SLC35A1: variants seen among roughly 807,000 people sequenced by gnomAD.
SLC35A1 encodes solute carrier family 35 member A1.
SLC35A1 carries 21 observed loss-of-function variants against 40.3 expected under a neutral mutation model. That is an observed-to-expected ratio of 0.52 (90% CI 0.37 to 0.75). The LOEUF (loss-of-function observed/expected upper bound fraction) is 0.75, where lower values mean the gene tolerates loss of function less well. Among genes scored for constraint, SLC35A1 ranks in the 30% least tolerant of loss-of-function variants. The pLI is 0.00. For missense variants in SLC35A1, 297 were observed against 382.1 expected (o/e 0.78, Z 1.86); for synonymous variants, 146 against 147.3 (o/e 0.99, Z 0.06).
chr6:87,500,198 AT>A (rs1346199938), intron 2 of SLC35A1, among the ~76,000 whole-genome samples: 2 of 152,148 alleles, frequency 1.3e-5, no homozygotes, highest in Non-Finnish European at 2.9e-5. Flanking sequence ...CAGGGGATGA[AT>A]TTTTTTATAG....
At chr6:87,474,421 A>C (rs1769011408) in intron 1 of SLC35A1, among the ~76,000 whole-genome samples, 1 of 152,234 alleles carries the variant, frequency 6.6e-6, no homozygotes, top group South Asian at 2.1e-4. Context: ...ACATTTCCAC[A>C]CAAACACTAT....
intron 1 of SLC35A1, among the ~76,000 whole-genome samples, chr6:87,476,395 T>G (rs1769071173): frequency 6.6e-6 from 1 of 152,214 alleles, no homozygotes. Context: ...GTTTCATGCT[T>G]TGCATCCACA....
intron 2 of SLC35A1, among the ~76,000 whole-genome samples, chr6:87,493,562 C>G (rs930691230): frequency 1.3e-5 from 2 of 151,988 alleles, no homozygotes; most frequent in African/African-American, 4.8e-5. Context: ...TCTCCTTACC[C>G]ATGTTTGTTC....
At chr6:87,486,265 G>C (rs1562020149) in intron 2 of SLC35A1, among the ~76,000 whole-genome samples, 1 of 152,144 alleles carries the variant, frequency 6.6e-6, no homozygotes, top group Non-Finnish European at 1.5e-5. Context: ...AGTAGCACCT[G>C]AAACCATGTT....
intron 2 of SLC35A1, 95 bp from the exon 3 acceptor site, chr6:87,500,413 G>T: frequency 8.3e-7 from 1 of 1,209,636 alleles, no homozygotes; most frequent in East Asian, 2.4e-5. Flanking sequence ...AGCAAGCATA[G>T]TATGCTTGTC....
At chr6:87,489,868 T>C (rs1428903060) in intron 2 of SLC35A1, among the ~76,000 whole-genome samples, 1 of 151,572 alleles carries the variant, frequency 6.6e-6, no homozygotes, top group Non-Finnish European at 1.5e-5. Context: ...TCTCAGGTAT[T>C]CTTTCACAGC....
chr6:87,497,009 T>C (rs1290749654), intron 2 of SLC35A1, among the ~76,000 whole-genome samples: 4 of 152,134 alleles, frequency 2.6e-5, no homozygotes, highest in Non-Finnish European at 5.9e-5. Context: ...GATTAAGAGC[T>C]GTATTCTTAA....
intron 2 of SLC35A1, among the ~76,000 whole-genome samples, chr6:87,489,569 T>G (rs1262330228): frequency 7.6e-6 from 1 of 131,614 alleles, no homozygotes; most frequent in Non-Finnish European, 1.5e-5. Flanking sequence ...GTAGATGGAG[T>G]CTTGCTCTGT....
chr6:87,486,712 T>G (rs1201850858), intron 2 of SLC35A1, among the ~76,000 whole-genome samples: 3 of 152,108 alleles, frequency 2.0e-5, no homozygotes, highest in Non-Finnish European at 4.4e-5. Flanking sequence ...TGAGTAGACT[T>G]TAGGCAAGAA....
chr6:87,508,297 T>C, intron 5 of SLC35A1, 123 bp from the exon 6 acceptor site: 1 of 665,764 alleles, frequency 1.5e-6, no homozygotes, highest in Non-Finnish European at 2.6e-6. Flanking sequence ...CACATTTAAG[T>C]AAAGTATGTT....
chr6:87,489,818 C>T (rs371511725), intron 2 of SLC35A1, among the ~76,000 whole-genome samples: 12 of 150,900 alleles, frequency 8.0e-5, no homozygotes, highest in Middle Eastern at 3.4e-3. Context: ...GGTGAGCCAC[C>T]GCGCCTGGCC....
At chr6:87,482,534 C>T (rs1346204362) in intron 2 of SLC35A1, among the ~76,000 whole-genome samples, 1 of 152,132 alleles carries the variant, frequency 6.6e-6, no homozygotes, top group Non-Finnish European at 1.5e-5. Context: ...AACAGCTTAC[C>T]AACTATTAGG....
chr6:87,476,372 A>G (rs75499744), intron 1 of SLC35A1, among the ~76,000 whole-genome samples: 1,683 of 152,316 alleles, frequency 0.011, 28 homozygotes, highest in African/African-American at 0.036. Flanking sequence ...TAGAATATAC[A>G]TTGCTGCAGT....
At chr6:87,498,820 C>G (rs1194830423) in intron 2 of SLC35A1, among the ~76,000 whole-genome samples, 4 of 151,924 alleles carry the variant, frequency 2.6e-5, no homozygotes, top group Admixed American at 6.6e-5. Context: ...TATGGGGCAT[C>G]TTAGATTTGC....
Position 87,500,616 on chromosome 6 carries a change from GAAC to G in SLC35A1, c.308_310del (p.Asn103del), listed in dbSNP as rs774220291. 1.9e-6 allele frequency: 3 copies of G among 1,614,142 alleles called. No homozygotes were observed. The highest frequency in any genetic ancestry group is 1.7e-5 in the Admixed American group (1 of 60,020). ...TGCCATCGTTAGTGTATGCTGTTCA[GAAC>G]AACATGGCTTTCCTAGCTCTTAGCA... On this transcript the variant is annotated inframe_deletion, in exon 3 of 8. Transcript: ENST00000369552.
intron 2 of SLC35A1, among the ~76,000 whole-genome samples, chr6:87,493,522 G>C (rs1769623452): frequency 6.6e-6 from 1 of 151,742 alleles, no homozygotes; most frequent in Non-Finnish European, 1.5e-5. Context: ...CCACAATTTT[G>C]ATCTAACATC....
rs186655336 is a variant in SLC35A1, at chr6:87,495,843, G to A, written c.195-4665G>A. Among the ~76,000 whole-genome samples, 683 of 152,100 alleles carry A rather than the reference G, an allele frequency of 4.5e-3. 9 individuals carry two copies. Among genetic ancestry groups the A allele is most frequent in the African/African-American group, 0.016 (660 of 41,478 alleles). On this transcript the variant is annotated intron_variant, in intron 2 of 7. Coordinates refer to ENST00000369552, the MANE Select transcript of SLC35A1 (RefSeq NM_006416.5). ...GCTAATTTTTTGTATTTTTAGTAGA[G>A]ACAGGGTTTCACCGTGTAAATCAGG...
At chr6:87,504,742 A>G (rs1770027577) in intron 4 of SLC35A1, among the ~76,000 whole-genome samples, 1 of 152,056 alleles carries the variant, frequency 6.6e-6, no homozygotes, top group Non-Finnish European at 1.5e-5. Context: ...TTCCATCACT[A>G]TTTTTCCTAA....
chr6:87,505,040 G>T (rs1446472888), intron 4 of SLC35A1, among the ~76,000 whole-genome samples: 1 of 152,136 alleles, frequency 6.6e-6, no homozygotes, highest in Non-Finnish European at 1.5e-5. Flanking sequence ...GTAGGTCTGG[G>T]GTAGAGCCTG....
Sources: gnomAD v4.1 joint callset for allele counts (sites outside exome capture counted in the v4.1 genomes callset) on GRCh38, gnomAD v4.1.1 for gene constraint, MANE v1.5 for transcripts, NCBI Gene and HGNC (gene_info 2026-07-23, HGNC 2026-07-21) for gene names.